The following MTCH1 variants were observed in gnomAD, a reference collection of about 807,000 sequenced individuals.
MTCH1 encodes mitochondrial carrier 1.
A neutral mutation model predicts 49.3 loss-of-function variants in MTCH1; 23 were observed. The observed-to-expected ratio is 0.47, with a 90% CI of 0.34 to 0.66. MTCH1 has a LOEUF of 0.66. MTCH1 is among the 30% of genes least tolerant of loss of function. The pLI is 0.01. For synonymous variants in MTCH1, 229 were observed against 215.2 expected (o/e 1.06, Z -0.56); for missense variants, 397 against 532.1 (o/e 0.75, Z 2.50).
intron 9 of MTCH1, 36 bp from the exon 10 acceptor site, chr6:36,970,509 C>T (rs753163163): frequency 1.2e-6 from 2 of 1,612,456 alleles, no homozygotes; most frequent in Middle Eastern, 1.7e-4. Flanking sequence ...CAGTGACCCA[C>T]CCCGGCCCAG....
chr6:36,986,291 G>C, upstream of MTCH1: 1 of 994,110 alleles, frequency 1.0e-6, no homozygotes, highest in East Asian at 3.5e-5. Context: ...GGAGCGTGGT[G>C]CGGCGGGTGG....
chr6:36,971,467 T>G (rs1468133729), intron 8 of MTCH1, among the ~76,000 whole-genome samples: 1 of 152,072 alleles, frequency 6.6e-6, no homozygotes, highest in Non-Finnish European at 1.5e-5. Context: ...TTGCTCTGTA[T>G]GTGACAGCAG....
At chr6:36,975,582 G>T in intron 7 of MTCH1, 76 bp downstream of exon 7, 1 of 1,422,418 alleles carries the variant, frequency 7.0e-7, no homozygotes, top group South Asian at 1.2e-5. Context: ...CAGCAGCTGC[G>T]GTCTGAGAGG....
chr6:36,970,602 G>A (rs775587550), intron 9 of MTCH1, 45 bp downstream of exon 9: 1 of 1,613,080 alleles, frequency 6.2e-7, no homozygotes, highest in South Asian at 1.1e-5. Flanking sequence ...GGCCCCGCTT[G>A]GGTCCGCAAG....
chr6:36,985,748 C>T, intron 1 of MTCH1, 105 bp downstream of exon 1: 1 of 1,090,460 alleles, frequency 9.2e-7, no homozygotes, highest in Non-Finnish European at 1.3e-6. Context: ...CCCCACCCCT[C>T]TCCCCAAATC....
At position 36,968,375 on chromosome 6, in the gene MTCH1, C is replaced by T; in HGVS notation, c.*528G>A. 3.8e-6 allele frequency: 1 copy of T among 259,918 alleles called. No homozygotes were observed. The highest frequency in any genetic ancestry group is 4.2e-5 in the South Asian group (1 of 23,560). The allele number at this position is 259,918 out of a possible 1,614,324, so 16.1% of individuals were successfully genotyped here. Reference sequence around the variant, plus strand: ...TCAGAGGCAGGTGCTGCCCTCATATCAGAAAAGTAGTGTTGAGAAAAACAC... The same window carrying T: ...TCAGAGGCAGGTGCTGCCCTCATATTAGAAAAGTAGTGTTGAGAAAAACAC... On this transcript the variant is annotated 3_prime_UTR_variant, in exon 12 of 12. Transcript: ENST00000373627.
At chr6:36,983,870 C>CTAA in intron 1 of MTCH1, among the ~76,000 whole-genome samples, 1 of 152,274 alleles carries the variant, frequency 6.6e-6, no homozygotes, top group South Asian at 2.1e-4. Flanking sequence ...AGATCTTACC[C>CTAA]TAATATATGT....
Position 36,981,680 on chromosome 6 carries a change from A to G in MTCH1, c.322-8T>C, listed in dbSNP as rs766511364. On this transcript the variant is annotated splice_polypyrimidine_tract_variant and splice_region_variant and intron_variant, in intron 1 of 11. Transcript: ENST00000373627. ...CATCGGCTCATGACCCACCTTCAGA[A>G]TTAACAAAGACAAAGGGACGCTCAG... The G allele has an allele frequency of 3.7e-6, 6 of 1,610,556 alleles. No individual in the cohort carries two copies. The highest frequency in any genetic ancestry group is 2.5e-6 in the Non-Finnish European group (3 of 1,178,388).
intron 7 of MTCH1, among the ~76,000 whole-genome samples, chr6:36,975,042 C>T (rs189735364): frequency 9.5e-4 from 144 of 152,266 alleles, no homozygotes; most frequent in Non-Finnish European, 1.6e-3. Context: ...TGTGACGTGA[C>T]GAAGTACAGG....
At position 36,986,121 on chromosome 6, in the gene MTCH1, C is replaced by T. The variant is rs1203914895; in HGVS notation, c.53G>A (p.Gly18Glu). Residue 18 changes from glycine (G) to glutamate (E), a missense_variant, in exon 1 of 12, where the codon GGG becomes GAG. Gly to Glu is a moderately conservative substitution (Grantham distance 98). Transcript: ENST00000373627. The stretch of plus-strand genomic sequence containing the variant: ...GGCTCCAGCTCCGGCTCCCGCCATC[C>T]CCGCGGCACCGCCGCGAGCCCAGGG... ...VAPWARGGAA[G>E]MAGAGAGAGA... is the part of the protein sequence containing the mutation. 7.0e-7 allele frequency: 1 copy of T among 1,432,754 alleles called. No homozygotes were observed. Among genetic ancestry groups the T allele is most frequent in the Non-Finnish European group, 9.1e-7 (1 of 1,102,942 alleles). The allele number at this position is 1,432,754 out of a possible 1,614,324, so 88.8% of individuals were successfully genotyped here.
intron 2 of MTCH1, among the ~76,000 whole-genome samples, chr6:36,980,774 G>A (rs1285386056): frequency 5.3e-5 from 8 of 152,184 alleles, no homozygotes; most frequent in African/African-American, 7.2e-5. Context: ...CTGTGAACAC[G>A]GAGAAAAAGG....
chr6:36,970,212 C>G (rs1186175539), intron 10 of MTCH1, 98 bp from the exon 11 acceptor site: 2 of 1,461,010 alleles, frequency 1.4e-6, no homozygotes, highest in Non-Finnish European at 1.9e-6. Flanking sequence ...TACCACCCAT[C>G]CACACCCTGA....
intron 8 of MTCH1, among the ~76,000 whole-genome samples, chr6:36,971,473 A>G (rs1420646641): frequency 6.6e-6 from 1 of 152,148 alleles, no homozygotes; most frequent in Non-Finnish European, 1.5e-5. Context: ...TGTATGTGAC[A>G]GCAGCAGCTT....
At position 36,968,472 on chromosome 6, in the gene MTCH1, C is replaced by T; in HGVS notation, c.*431G>A. On this transcript the variant is annotated 3_prime_UTR_variant, in exon 12 of 12. Coordinates refer to ENST00000373627, the MANE Select transcript of MTCH1 (RefSeq NM_001271641.2). ...GGTGGCCACGTGCCAGGGGACCACA[C>T]CCTATGTACAAAGCAGGAGAATGAT... 2.9e-6 allele frequency: 1 copy of T among 350,876 alleles called. No homozygotes were observed. Among genetic ancestry groups the T allele is most frequent in the African/African-American group, 2.1e-5 (1 of 46,724 alleles). 21.7% of individuals were successfully genotyped at this position (350,876 alleles called of 1,614,324 possible).
Position 36,972,534 on chromosome 6 carries a change from AGAGGTC to A in MTCH1, c.906+112_906+117del. ...GACAAAGATGACTCCAGGGATAATG[AGAGGTC>A]CTCTCTCACCCTCCCGGCCTGATGC... is the stretch of plus-strand genomic sequence containing the variant. On this transcript the variant is annotated intron_variant, in intron 8 of 11. Transcript: ENST00000373627. The surrounding 1 kb of genome is among the most constrained non-coding windows in gnomAD (Gnocchi z 4.1). 8.0e-7 allele frequency: 1 copy of A among 1,243,126 alleles called. No individual in the cohort carries two copies. The highest frequency in any genetic ancestry group is 1.7e-5 in the South Asian group (1 of 60,064). 77.0% of individuals were successfully genotyped at this position (1,243,126 alleles called of 1,614,324 possible). A position where few individuals can be genotyped will look rare whatever the true frequency, so the allele number is the denominator to read the frequency against.
chr6:36,981,734 T>A, intron 1 of MTCH1, 62 bp from the exon 2 acceptor site: 1 of 1,389,360 alleles, frequency 7.2e-7, no homozygotes, highest in Non-Finnish European at 1.0e-6. Context: ...CCTCACCACC[T>A]CTCCTCACAC....
chr6:36,976,616 C>T (rs1339422758), intron 6 of MTCH1: 1 of 470,300 alleles, frequency 2.1e-6, no homozygotes, highest in Non-Finnish European at 4.4e-6. Context: ...AAACACCGAC[C>T]CCAGGAAATG....
In MTCH1 at chr6:36,986,086, C is replaced by T. The variant is rs1764303802; in HGVS notation, c.88G>A (p.Gly30Ser). 1 of 1,431,750 alleles carries T rather than the reference C, an allele frequency of 7.0e-7. No individual in the cohort carries two copies. Among genetic ancestry groups the T allele is most frequent in the South Asian group, 1.4e-5 (1 of 69,600 alleles). The allele number at this position is 1,431,750 out of a possible 1,614,324, so 88.7% of individuals were successfully genotyped here. A position where few individuals can be genotyped will look rare whatever the true frequency, so the allele number is the denominator to read the frequency against. Residue 30 changes from glycine (G) to serine (S), a missense_variant, in exon 1 of 12, where the codon GGC becomes AGC. By Grantham distance (56) the Gly-to-Ser change is moderately conservative. This residue lies in a region of MTCH1 where 145 missense variants were observed against 143.8 expected (regional missense o/e 1.01). Coordinates refer to ENST00000373627, the MANE Select transcript of MTCH1 (RefSeq NM_001271641.2). ...GCCTCGACCCCCGCCGCCGCTCCGCCGCGAGCTCCGGCTCCAGCTCCGGCT... is the reference window on the plus strand; with the variant it reads ...GCCTCGACCCCCGCCGCCGCTCCGCTGCGAGCTCCGGCTCCAGCTCCGGCT... ...AGAGAGAGAR[G>S]GAAAGVEARA...
rs751883692 is a variant in MTCH1, at chr6:36,978,559, A to G, written c.459T>C (p.Ser153=). The part of the protein sequence containing the change: ...DGKIGLFRGL[S]PRLMSNALST... Reference sequence around the variant, plus strand: ...AGAGGGCGTTGGACATCAGCCGGGGACTCAGGCCTCGGAACAGCCCTATCT... The same window carrying G: ...AGAGGGCGTTGGACATCAGCCGGGGGCTCAGGCCTCGGAACAGCCCTATCT... Residue 153 remains serine (S), a synonymous_variant, in exon 3 of 12, where the codon AGT becomes AGC. Coordinates refer to ENST00000373627, the MANE Select transcript of MTCH1 (RefSeq NM_001271641.2). 2.2e-5 allele frequency: 36 copies of G among 1,614,078 alleles called. 1 individual carries two copies. The South Asian group carries it at 3.6e-4, about 16-fold the overall frequency.
Sources: gnomAD v4.1 joint callset for allele counts (sites outside exome capture counted in the v4.1 genomes callset) on GRCh38, gnomAD v4.1.1 for gene constraint, gnomAD v4.1.1 regional missense constraint, Gnocchi (gnomAD v3.1) non-coding constraint, MANE v1.5 for transcripts, NCBI Gene and HGNC (gene_info 2026-07-23, HGNC 2026-07-21) for gene names.